DSG1: variants seen among roughly 807,000 people sequenced by gnomAD.
DSG1 encodes the protein desmoglein-1.
DSG1 carries 39 observed loss-of-function variants against 97.5 expected under a neutral mutation model. The ratio of observed to expected loss-of-function variants is 0.40; its 90% confidence interval spans 0.31 to 0.52. The LOEUF (loss-of-function observed/expected upper bound fraction) is 0.52, where lower values mean the gene tolerates loss of function less well. Among genes scored for constraint, DSG1 ranks in the 20% least tolerant of loss-of-function variants. DSG1 has a pLI of 0.53. For missense variants in DSG1, 1,311 were observed against 1,295.4 expected (o/e 1.01, Z -0.18); for synonymous variants, 475 against 443.4 (o/e 1.07, Z -0.90).
chr18:31,339,551 T>A (rs1430290015), intron 10 of DSG1, among the ~76,000 whole-genome samples, 193 bp from the exon 11 acceptor site: 1 of 151,912 alleles, frequency 6.6e-6, no homozygotes, highest in Non-Finnish European at 1.5e-5. Flanking sequence ...ATAATGTTAG[T>A]TATAAATAAT....
intron 6 of DSG1, among the ~76,000 whole-genome samples, chr18:31,332,842 T>C (rs1252568448): frequency 2.0e-5 from 3 of 152,150 alleles, no homozygotes; most frequent in Non-Finnish European, 4.4e-5. Context: ...GTTTACACTT[T>C]TCTCTCTCAA....
intron 1 of DSG1, 100 bp from the exon 2 acceptor site, chr18:31,326,481 C>G: frequency 1.0e-6 from 1 of 956,470 alleles, no homozygotes; most frequent in Non-Finnish European, 1.6e-6. Flanking sequence ...TAATGACTCA[C>G]AAGCCTATGG....
chr18:31,336,579 G>T lies in DSG1; in HGVS notation c.1231G>T (p.Asp411Tyr). 1 of 1,614,014 alleles carries T rather than the reference G, an allele frequency of 6.2e-7. No individual in the cohort carries two copies. The highest frequency in any genetic ancestry group is 1.1e-5 in the South Asian group (1 of 91,056). Residue 411 changes from aspartate to tyrosine, a missense_variant, in exon 9 of 15, where the codon GAC (aspartate) becomes TAC (tyrosine). Asp to Tyr is a radical substitution (Grantham distance 160). Transcript: ENST00000257192. The part of the protein sequence containing the change: ...NDKVGDFVAT[D>Y]LDTGRPSTTV... ...TAAAGTGGGAGACTTTGTAGCTACT[G>T]ACCTGGACACAGGTAGACCTTCAAC...
chr18:31,318,246 C>T lies in DSG1; in HGVS notation c.-55C>T, dbSNP rs2071632082. ...AGCTGAGTGGGAGAAAGAAAAAGAACAGAGAAGAACAAACAAAACTCCCTT... is the reference window on the plus strand; with the variant it reads ...AGCTGAGTGGGAGAAAGAAAAAGAATAGAGAAGAACAAACAAAACTCCCTT... On this transcript the variant is annotated 5_prime_UTR_variant, in exon 1 of 15. Transcript: ENST00000257192. 1 of 1,467,152 alleles carries T rather than the reference C, an allele frequency of 6.8e-7. No individual in the cohort carries two copies. The highest frequency in any genetic ancestry group is 9.6e-7 in the Non-Finnish European group (1 of 1,045,940). The allele number at this position is 1,467,152 out of a possible 1,614,324, so 90.9% of individuals were successfully genotyped here.
intron 9 of DSG1, 57 bp from the exon 10 acceptor site, chr18:31,338,258 A>T: frequency 6.5e-7 from 1 of 1,543,230 alleles, no homozygotes; most frequent in Non-Finnish European, 8.9e-7. Context: ...ATTTTAAATT[A>T]AAATTTCTTT....
intron 14 of DSG1, chr18:31,354,012 G>C: frequency 2.7e-6 from 1 of 374,428 alleles, no homozygotes; most frequent in East Asian, 6.2e-5. Context: ...CAATTCATGT[G>C]ATTTTTTTGT....
In DSG1 at chr18:31,333,654, A is replaced by C; in HGVS notation, c.750A>C (p.Ser250=). The change falls in exon 7 of 15, where the codon TCA becomes TCC. Residue 250 remains serine (S), a synonymous_variant. Coordinates refer to ENST00000257192, the MANE Select transcript of DSG1 (RefSeq NM_001942.4). ...GAGATGGCGGGGCAGATGGCATGTC[A>C]GCGGAATGTGAGTGCAACATTAAAA... ...SDRDGGADGM[S]AECECNIKIL... The C allele has an allele frequency of 6.2e-7, 1 of 1,613,926 alleles. No individual in the cohort carries two copies. The highest frequency in any genetic ancestry group is 8.5e-7 in the Non-Finnish European group (1 of 1,179,834).
At chr18:31,341,888 A>C (rs2071791001) in intron 11 of DSG1, among the ~76,000 whole-genome samples, 1 of 151,614 alleles carries the variant, frequency 6.6e-6, no homozygotes, top group South Asian at 2.1e-4. Context: ...TTTCATGTTG[A>C]GTTTTGTTTG....
chr18:31,352,679 T>G (rs1353267618), intron 14 of DSG1, among the ~76,000 whole-genome samples: 1 of 140,654 alleles, frequency 7.1e-6, no homozygotes, highest in Non-Finnish European at 1.5e-5. Context: ...CTTTTTATTC[T>G]TTTTTCTCTA....
At chr18:31,348,726 T>G (rs1339756643) in intron 14 of DSG1, among the ~76,000 whole-genome samples, 1 of 145,856 alleles carries the variant, frequency 6.9e-6, no homozygotes, top group Non-Finnish European at 1.5e-5. Context: ...CCAGTGATGA[T>G]GAGCATTTTT....
intron 1 of DSG1, among the ~76,000 whole-genome samples, chr18:31,326,347 A>G (rs1376123670): frequency 6.6e-6 from 1 of 152,110 alleles, no homozygotes; most frequent in Non-Finnish European, 1.5e-5. Context: ...GGAGAAATAC[A>G]AGTACAAAAT....
chr18:31,343,841 A>G, intron 12 of DSG1, 85 bp from the exon 13 acceptor site: 2 of 1,254,502 alleles, frequency 1.6e-6, no homozygotes, highest in Non-Finnish European at 2.3e-6. Context: ...ATCTGAGGTA[A>G]TTTAAGAATA....
At chr18:31,351,500 C>G (rs1403549777) in intron 14 of DSG1, among the ~76,000 whole-genome samples, 1 of 151,432 alleles carries the variant, frequency 6.6e-6, no homozygotes, top group Non-Finnish European at 1.5e-5. Context: ...TGGTGCAGAG[C>G]TGAGTTCAAT....
intron 1 of DSG1, among the ~76,000 whole-genome samples, chr18:31,321,245 A>G (rs2071651859): frequency 6.6e-6 from 1 of 152,108 alleles, no homozygotes; most frequent in South Asian, 2.1e-4. Flanking sequence ...AATAATACAC[A>G]TTTCATTACA....
intron 1 of DSG1, among the ~76,000 whole-genome samples, chr18:31,325,777 A>G (rs932224743): frequency 1.3e-5 from 2 of 152,152 alleles, no homozygotes; most frequent in Non-Finnish European, 2.9e-5. Flanking sequence ...GCTATCTCAT[A>G]TTTTATTGTA....
chr18:31,355,820 G>A lies in DSG1; in HGVS notation c.*474G>A. 6.1e-6 allele frequency: 1 copy of A among 163,036 alleles called. No individual in the cohort carries two copies. The highest frequency in any genetic ancestry group is 1.7e-4 in the South Asian group (1 of 5,860). 10.1% of individuals were successfully genotyped at this position (163,036 alleles called of 1,614,324 possible). ...AAATTCAACCACAGATTTATACAAG[G>A]GTTAACCATTTTTTTTAAGTTTGAC... On this transcript the variant is annotated 3_prime_UTR_variant, in exon 15 of 15. Coordinates refer to ENST00000257192, the MANE Select transcript of DSG1 (RefSeq NM_001942.4).
chr18:31,333,846 A>C, intron 7 of DSG1, 123 bp downstream of exon 7: 1 of 1,298,636 alleles, frequency 7.7e-7, no homozygotes, highest in Non-Finnish European at 1.1e-6. Context: ...GTAGACACAT[A>C]CTTTTTTCTT....
chr18:31,331,986 T>G, intron 6 of DSG1, 119 bp downstream of exon 6: 1 of 931,498 alleles, frequency 1.1e-6, no homozygotes, highest in African/African-American at 1.7e-5. Context: ...TGTATAACTT[T>G]TTCACATAAT....
At chr18:31,335,514 T>C (rs989982852) in intron 8 of DSG1, among the ~76,000 whole-genome samples, 3 of 151,840 alleles carry the variant, frequency 2.0e-5, no homozygotes, top group Non-Finnish European at 2.9e-5. Flanking sequence ...TATAGCTATA[T>C]ACATATATAT....
Sources: gnomAD v4.1 joint callset for allele counts (sites outside exome capture counted in the v4.1 genomes callset) on GRCh38, gnomAD v4.1.1 for gene constraint, MANE v1.5 for transcripts, NCBI Gene and HGNC (gene_info 2026-07-23, HGNC 2026-07-21) for gene names.